The following GNB1 variants were observed in gnomAD, a reference collection of about 807,000 sequenced individuals.
GNB1 encodes the protein G protein subunit beta 1, also known as guanine nucleotide-binding protein G(I)/G(S)/G(T) subunit beta-1.
A neutral mutation model predicts 42.9 loss-of-function variants in GNB1; 2 were observed. The ratio of observed to expected loss-of-function variants is 0.05; its 90% CI spans 0.02 to 0.15. The LOEUF (loss-of-function observed/expected upper bound fraction) is 0.15, where lower values mean the gene tolerates loss of function less well. Among genes scored for constraint, GNB1 ranks in the 10% least tolerant of loss-of-function variants. The probability of loss-of-function intolerance (pLI) is 1.00; values close to 1 mark genes in which losing one functional copy is unlikely to be tolerated. For missense variants in GNB1, 193 were observed against 462.2 expected, an observed-to-expected ratio of 0.42 and a Z score of 5.34; for synonymous variants, 183 against 174.7, an observed-to-expected ratio of 1.05 and a Z score of -0.38.
chr1:1,882,165 G>A (rs866527836), intron 1 of GNB1, among the ~76,000 whole-genome samples: 7 of 152,100 alleles, frequency 4.6e-5, no homozygotes, highest in Admixed American at 1.3e-4. Context: ...GTGCTAAATT[G>A]GGGCCAGGCA....
rs367950986 is a variant in GNB1, at chr1:1,817,932, T to A, written c.58-57A>T. 1.5e-5 allele frequency: 20 copies of A among 1,304,440 alleles called. No individual in the cohort carries two copies. The African/African-American group carries it at 2.3e-4, about 15-fold the overall frequency. The allele number at this position is 1,304,440 out of a possible 1,614,324, so 80.8% of individuals were successfully genotyped here. A position where few individuals can be genotyped will look rare whatever the true frequency, so the allele number is the denominator to read the frequency against. On this transcript the variant is annotated intron_variant, in intron 3 of 11. Coordinates refer to ENST00000378609, the MANE Select transcript of GNB1 (RefSeq NM_002074.5). ...CCTTTCAGATACATTCAATCTCAGG[T>A]CCACACATACCAAAGTTTCAAAGAG...
intron 2 of GNB1, among the ~76,000 whole-genome samples, chr1:1,827,342 C>T (rs1031998053): frequency 6.6e-6 from 1 of 152,196 alleles, no homozygotes; most frequent in African/African-American, 2.4e-5. Flanking sequence ...GGGAGGCAGG[C>T]TGCACAGCAA....
chr1:1,785,843 C>T lies in GNB1; in HGVS notation c.*1220G>A, dbSNP rs1646398582. On this transcript the variant is annotated 3_prime_UTR_variant, in exon 12 of 12. Transcript: ENST00000378609. ...AGAAATAAAGAAAACAGTGACTTAT[C>T]CCGCTACCCAAGCGTGTAGAGCCGC... 2 of 284,560 alleles carry T rather than the reference C, an allele frequency of 7.0e-6. No homozygotes were observed. The highest frequency in any genetic ancestry group is 1.3e-5 in the Non-Finnish European group (2 of 153,448). 17.6% of individuals were successfully genotyped at this position (284,560 alleles called of 1,614,324 possible).
chr1:1,859,396 A>T (rs1294709499), intron 1 of GNB1, among the ~76,000 whole-genome samples: 2 of 152,216 alleles, frequency 1.3e-5, no homozygotes. Flanking sequence ...GAAAGATTCA[A>T]CAAAGGGCTG....
At chr1:1,875,771 G>T (rs996203319) in intron 1 of GNB1, among the ~76,000 whole-genome samples, 1 of 152,144 alleles carries the variant, frequency 6.6e-6, no homozygotes, top group Non-Finnish European at 1.5e-5. Context: ...GACATGGAAG[G>T]CAAGAGAGCT....
chr1:1,883,469 C>T (rs1311038757), intron 1 of GNB1, among the ~76,000 whole-genome samples: 1 of 152,136 alleles, frequency 6.6e-6, no homozygotes, highest in East Asian at 1.9e-4. Context: ...AGTAAACTGT[C>T]ATCTTATAAC....
intron 1 of GNB1, among the ~76,000 whole-genome samples, chr1:1,872,750 G>A (rs532740879): frequency 6.6e-6 from 1 of 152,078 alleles, no homozygotes; most frequent in African/African-American, 2.4e-5. Context: ...ACCTACCACA[G>A]GCCCAAACTT....
At chr1:1,846,651 T>G (rs12126768) in intron 1 of GNB1, among the ~76,000 whole-genome samples, 22,809 of 152,114 alleles carry the variant, frequency 0.15, 1,901 homozygotes, top group Middle Eastern at 0.3. Flanking sequence ...CTTGAACTCC[T>G]AGGCACAGCC....
chr1:1,797,367 A>G (rs114765992), intron 7 of GNB1, among the ~76,000 whole-genome samples: 1,717 of 152,320 alleles, frequency 0.011, 13 homozygotes, highest in Non-Finnish European at 0.018. Context: ...TAACTATTGT[A>G]TAATACTGTA....
At chr1:1,811,688 C>T (rs762481075) in intron 5 of GNB1, among the ~76,000 whole-genome samples, 18 of 151,080 alleles carry the variant, frequency 1.2e-4, no homozygotes, top group Middle Eastern at 3.4e-3. Context: ...AGTGAGACTC[C>T]GTCTCAAAAA....
chr1:1,825,155 T>A, intron 3 of GNB1: 1 of 424,692 alleles, frequency 2.4e-6, no homozygotes, highest in Non-Finnish European at 4.2e-6. Flanking sequence ...AAGACACTTA[T>A]AAATTCTACG....
At chr1:1,873,444 A>G (rs1649359201) in intron 1 of GNB1, among the ~76,000 whole-genome samples, 1 of 152,174 alleles carries the variant, frequency 6.6e-6, no homozygotes, top group African/African-American at 2.4e-5. Flanking sequence ...GCCAACTGTT[A>G]ATTGCCCTTG....
At chr1:1,816,975 A>G (rs1646865913) in intron 4 of GNB1, among the ~76,000 whole-genome samples, 1 of 152,162 alleles carries the variant, frequency 6.6e-6, no homozygotes, top group South Asian at 2.1e-4. Flanking sequence ...TAATCACTTT[A>G]AAGTCTACAG....
chr1:1,812,897 C>T (rs1570655027), intron 5 of GNB1, among the ~76,000 whole-genome samples: 1 of 149,890 alleles, frequency 6.7e-6, no homozygotes. Flanking sequence ...AACACACCTG[C>T]CTGCAGGTCA....
intron 2 of GNB1, among the ~76,000 whole-genome samples, chr1:1,829,700 G>A (rs35517040): frequency 3.3e-5 from 5 of 151,962 alleles, no homozygotes; most frequent in Non-Finnish European, 5.9e-5. Flanking sequence ...GCTTTTGTGT[G>A]TACAAGAAGG....
At chr1:1,879,229 G>A (rs924587956) in intron 1 of GNB1, among the ~76,000 whole-genome samples, 7 of 152,202 alleles carry the variant, frequency 4.6e-5, no homozygotes, top group African/African-American at 1.7e-4. Context: ...GCGCTGCTCA[G>A]ATATTTCGGC....
At chr1:1,859,460 C>T (rs1312494804) in intron 1 of GNB1, among the ~76,000 whole-genome samples, 2 of 152,004 alleles carry the variant, frequency 1.3e-5, no homozygotes, top group African/African-American at 4.8e-5. Context: ...GCAGCCTGGG[C>T]AACAGAGGGA....
intron 1 of GNB1, among the ~76,000 whole-genome samples, chr1:1,883,936 G>A (rs1053457921): frequency 6.7e-6 from 1 of 150,214 alleles, no homozygotes; most frequent in Non-Finnish European, 1.5e-5. Flanking sequence ...AGACTCTTTT[G>A]ACATGCTCAT....
chr1:1,793,976 G>C (rs1646513985), intron 7 of GNB1: 2 of 152,638 alleles, frequency 1.3e-5, no homozygotes, highest in Admixed American at 6.5e-5. Flanking sequence ...AACGCGGCAT[G>C]GCAGCAACAC....
Sources: gnomAD v4.1 joint callset for allele counts (sites outside exome capture counted in the v4.1 genomes callset) on GRCh38, gnomAD v4.1.1 for gene constraint, MANE v1.5 for transcripts, NCBI Gene and HGNC (gene_info 2026-07-23, HGNC 2026-07-21) for gene names.